The following VIRMA variants were observed in gnomAD, a reference collection of about 807,000 sequenced individuals.
VIRMA encodes the protein protein virilizer homolog.
Under a neutral mutation model 182.4 loss-of-function variants are expected in VIRMA, and 65 were observed. That is an observed-to-expected ratio of 0.36 (90% confidence interval 0.29 to 0.44). The LOEUF (loss-of-function observed/expected upper bound fraction) is 0.44, where lower values mean the gene tolerates loss of function less well. Among genes scored for constraint, VIRMA ranks in the 20% least tolerant of loss-of-function variants. The pLI is 1.00. For synonymous variants in VIRMA, 709 were observed against 743.1 expected (o/e 0.95, Z 0.75); for missense variants, 1,752 against 2,158.1 (o/e 0.81, Z 3.73).
In VIRMA at chr8:94,494,959, G is replaced by A. The variant is rs972009796; in HGVS notation, c.4545-3C>T. ...CATCAGCAAGCACATAGGCAGTCCT[G>A]GAACAAGAAAAGTATCTGGTGAAAA... On this transcript the variant is annotated splice_region_variant and splice_polypyrimidine_tract_variant and intron_variant, in intron 19 of 23. Coordinates refer to ENST00000297591, the MANE Select transcript of VIRMA (RefSeq NM_015496.5). 12 of 1,582,296 alleles carry A rather than the reference G, an allele frequency of 7.6e-6. No individual in the cohort carries two copies. The highest frequency in any genetic ancestry group is 1.0e-5 in the Non-Finnish European group (12 of 1,156,898).
In VIRMA at chr8:94,511,514, G is replaced by C. The variant is rs1814373829; in HGVS notation, c.3061C>G (p.Leu1021Val). 1 of 1,614,018 alleles carries C rather than the reference G, an allele frequency of 6.2e-7. No homozygotes were observed. The highest frequency in any genetic ancestry group is 1.3e-5 in the African/African-American group (1 of 74,926). The change falls in exon 13 of 24, where the codon CTG (leucine) becomes GTG (valine). Residue 1021 changes from leucine to valine, a missense_variant. Physicochemically the swap from Leu to Val is conservative, Grantham distance 32. Transcript: ENST00000297591. ...TTAAACTCAAAGGATCCACCTCTCA[G>C]GAGTTCCGTTAACATAGTTTTAAGA... is the stretch of plus-strand genomic sequence containing the variant. Reference protein sequence around the residue: ...TLLKTMLTELLRGGSFEFKDM... With the variant: ...TLLKTMLTELVRGGSFEFKDM...
At chr8:94,492,552 G>T in intron 21 of VIRMA, 100 bp downstream of exon 21, 2 of 988,850 alleles carry the variant, frequency 2.0e-6, no homozygotes, top group Non-Finnish European at 1.5e-6. Flanking sequence ...GATTACAGGC[G>T]TGAGCCACCG....
At chr8:94,539,416 G>A (rs1158035773) in intron 2 of VIRMA, among the ~76,000 whole-genome samples, 1 of 152,088 alleles carries the variant, frequency 6.6e-6, no homozygotes, top group Non-Finnish European at 1.5e-5. Flanking sequence ...TATTTAATTT[G>A]CATTAGACTA....
Position 94,512,084 on chromosome 8 carries a change from G to A in VIRMA, c.2757C>T (p.Ile919=), listed in dbSNP as rs957517767. The A allele has an allele frequency of 2.6e-5, 38 of 1,466,540 alleles. No homozygotes were observed. Among genetic ancestry groups the A allele is most frequent in the Admixed American group, 4.5e-5 (2 of 44,426 alleles). 90.8% of individuals were successfully genotyped at this position (1,466,540 alleles called of 1,614,324 possible). A position where few individuals can be genotyped will look rare whatever the true frequency, so the allele number is the denominator to read the frequency against. ...CTCCTTCTGGGGTCATCAAGTTATC[G>A]ATATTCTTTAAAAATGAAAATGAAC... ...PNLIEYVKQN[I]DNLMTPEGVG... The change falls in exon 12 of 24, where the codon ATC becomes ATT. Residue 919 remains isoleucine (I), a synonymous_variant. Coordinates refer to ENST00000297591, the MANE Select transcript of VIRMA (RefSeq NM_015496.5).
intron 18 of VIRMA, 59 bp downstream of exon 18, chr8:94,496,269 T>C (rs1813770773): frequency 1.4e-6 from 2 of 1,434,394 alleles, no homozygotes; most frequent in African/African-American, 1.4e-5. Context: ...GAAATACTTG[T>C]ACTAGTCAAA....
At chr8:94,517,732 C>A in intron 10 of VIRMA, 56 bp downstream of exon 10, 2 of 1,274,236 alleles carry the variant, frequency 1.6e-6, no homozygotes, top group Non-Finnish European at 2.2e-6. Flanking sequence ...TACAGATATT[C>A]AAAGGTTTGT....
chr8:94,504,722 A>G (rs1814097253), intron 16 of VIRMA, among the ~76,000 whole-genome samples: 1 of 152,172 alleles, frequency 6.6e-6, no homozygotes, highest in Non-Finnish European at 1.5e-5. Flanking sequence ...ACAGAGGTGG[A>G]GAAGAGGGAT....
chr8:94,541,127 ACT>A (rs1491558928), intron 2 of VIRMA, among the ~76,000 whole-genome samples: 1 of 147,004 alleles, frequency 6.8e-6, no homozygotes, highest in Non-Finnish European at 1.5e-5. Context: ...TATTGTTATT[ACT>A]TTTTTTTTTT....
rs566551376 is a variant in VIRMA at position 94,521,226 on chromosome 8, C to T, written c.2022-1750G>A. Among the ~76,000 whole-genome samples, 8 of 152,148 alleles carry T rather than the reference C, an allele frequency of 5.3e-5. No individual in the cohort carries two copies. In the East Asian group the frequency reaches 1.5e-3, roughly 29 times the overall value. On this transcript the variant is annotated intron_variant, in intron 8 of 23. Transcript: ENST00000297591. ...CAACCCTCTGTTCTCCTTCAACAGG[C>T]CCCAGTGTGTGTTGCTGCCCTCTCT...
At chr8:94,550,651 T>C (rs1261373804) in intron 1 of VIRMA, among the ~76,000 whole-genome samples, 1 of 152,046 alleles carries the variant, frequency 6.6e-6, no homozygotes, top group Non-Finnish European at 1.5e-5. Context: ...TCTTACTAAT[T>C]GTATGATTCG....
chr8:94,523,118 T>C (rs907769940), intron 8 of VIRMA, among the ~76,000 whole-genome samples: 3 of 152,214 alleles, frequency 2.0e-5, no homozygotes, highest in South Asian at 2.1e-4. Flanking sequence ...TCTCCAAGAC[T>C]ACAAATGTAT....
At chr8:94,506,114 T>C (rs200530872) in intron 16 of VIRMA, among the ~76,000 whole-genome samples, 2 of 152,156 alleles carry the variant, frequency 1.3e-5, no homozygotes, top group East Asian at 3.9e-4. Context: ...CCATAGATAC[T>C]GAGGAACTGT....
chr8:94,503,957 G>C (rs1349751293), intron 16 of VIRMA, among the ~76,000 whole-genome samples: 1 of 151,976 alleles, frequency 6.6e-6, no homozygotes, highest in African/African-American at 2.4e-5. Flanking sequence ...AGGATCACCT[G>C]AGGTCAGGAG....
In VIRMA at chr8:94,488,856, G is replaced by A; in HGVS notation, c.5289C>T (p.Tyr1763=). Residue 1763 remains tyrosine, a synonymous_variant, in exon 24 of 24, where the codon TAC becomes TAT. Transcript: ENST00000297591. ...PPLRPLSSTG[Y]RPSPRDRASR... is the part of the protein sequence containing the mutation. ...AAGCACGGTCCCGAGGACTTGGGCG[G>A]TAACCTGTAAAAGAAAGAATACAGT... is the stretch of plus-strand genomic sequence containing the variant. 1 of 1,612,438 alleles carries A rather than the reference G, an allele frequency of 6.2e-7. No homozygotes were observed. The highest frequency in any genetic ancestry group is 8.5e-7 in the Non-Finnish European group (1 of 1,179,260).
Position 94,488,742 on chromosome 8 carries a change from A to G in VIRMA, c.5403T>C (p.Ser1801=), listed in dbSNP as rs1326233219. Residue 1801 remains serine (S), a synonymous_variant, in exon 24 of 24, where the codon AGT becomes AGC. Transcript: ENST00000297591. ...GSRGKFVSGG[S]GRGRHVRSFT... The stretch of plus-strand genomic sequence containing the variant: ...AGGAGCGTACATGACGACCTCTACC[A>G]CTGCCTCCACTAACAAACTTTCCTC... 5.6e-6 allele frequency: 9 copies of G among 1,614,184 alleles called. No individual in the cohort carries two copies. Among genetic ancestry groups the G allele is most frequent in the Non-Finnish European group, 7.6e-6 (9 of 1,180,028 alleles).
In VIRMA at chr8:94,490,035, G is replaced by C; in HGVS notation, c.5188C>G (p.Gln1730Glu). The stretch of plus-strand genomic sequence containing the variant: ...TTGTAATTTCCTCGAGGAGTATTCT[G>C]AGCACTCCAACTGGAGCCTCTTGTT... ...EGTRGSSWSA[Q>E]NTPRGNYNES... The change falls in exon 23 of 24, where the codon CAG (glutamine) becomes GAG (glutamate). Residue 1730 changes from glutamine to glutamate, a missense_variant. Coordinates refer to ENST00000297591, the MANE Select transcript of VIRMA (RefSeq NM_015496.5). 1 of 1,614,074 alleles carries C rather than the reference G, an allele frequency of 6.2e-7. No individual in the cohort carries two copies. Among genetic ancestry groups the C allele is most frequent in the Non-Finnish European group, 8.5e-7 (1 of 1,179,980 alleles).
intron 9 of VIRMA, 144 bp from the exon 10 acceptor site, chr8:94,518,086 G>T: frequency 3.4e-6 from 2 of 586,444 alleles, no homozygotes; most frequent in Admixed American, 6.1e-5. Flanking sequence ...CAAGAAATCA[G>T]ATTTTACAGT....
At chr8:94,523,453 A>T (rs973069664) in intron 8 of VIRMA, among the ~76,000 whole-genome samples, 3 of 152,192 alleles carry the variant, frequency 2.0e-5, no homozygotes, top group Admixed American at 1.3e-4. Context: ...TCTGCTGCCC[A>T]GACTGGAGTG....
At position 94,526,630 on chromosome 8, in the gene VIRMA, T is replaced by A; in HGVS notation, c.1614A>T (p.Ile538=). 6.2e-7 allele frequency: 1 copy of A among 1,614,164 alleles called. No homozygotes were observed. The highest frequency in any genetic ancestry group is 8.5e-7 in the Non-Finnish European group (1 of 1,180,026). ...KSGYQKLLEL[I]LLDQTVRVVT... is the part of the protein sequence containing the mutation. ...CAACCCTCACAGTCTGATCTAAAAG[T>A]ATGAGTTCCAGAAGCTTTTGATAAC... The change falls in exon 8 of 24, where the codon ATA becomes ATT. Residue 538 remains isoleucine, a synonymous_variant. Coordinates refer to ENST00000297591, the MANE Select transcript of VIRMA (RefSeq NM_015496.5).
Sources: allele counts gnomAD v4.1 joint callset (sites outside exome capture counted in the v4.1 genomes callset), GRCh38; gene constraint gnomAD v4.1.1; transcripts MANE v1.5; gene names NCBI Gene and HGNC (gene_info 2026-07-23, HGNC 2026-07-21).